The following RPS6KC1 variants were observed in gnomAD, a reference collection of about 807,000 sequenced individuals.
RPS6KC1 encodes inactive ribosomal protein S6 kinase delta-1.
RPS6KC1 carries 54 observed loss-of-function variants against 103.8 expected under a neutral mutation model. The ratio of observed to expected loss-of-function variants is 0.52; its 90% confidence interval spans 0.42 to 0.65. The LOEUF (loss-of-function observed/expected upper bound fraction) is 0.65. RPS6KC1 is among the 30% of genes least tolerant of loss of function. RPS6KC1 has a pLI of 0.00. For synonymous variants in RPS6KC1, 439 were observed against 438.7 expected (o/e 1.00, Z -0.01); for missense variants, 1,151 against 1,253.8 (o/e 0.92, Z 1.24).
chr1:213,578,839 G>A, the RPS6KC1 span, among the ~76,000 whole-genome samples: 2 of 152,080 alleles, frequency 1.3e-5, no homozygotes, highest in Non-Finnish European at 2.9e-5. Context: ...GGACTTTTGA[G>A]TTAATGCTGA....
chr1:213,537,157 C>G, the RPS6KC1 span, among the ~76,000 whole-genome samples: 3 of 152,278 alleles, frequency 2.0e-5, no homozygotes, highest in South Asian at 6.2e-4. Context: ...CTCAGGGCCT[C>G]CATTCTCTGT....
downstream of RPS6KC1, among the ~76,000 whole-genome samples, chr1:213,278,924 G>A (rs1628854): frequency 0.84 from 127,335 of 151,794 alleles, 55,191 homozygotes; most frequent in Non-Finnish European, 0.95. Context: ...GAGAAGGAAA[G>A]TTCTCGGGGG....
chr1:213,738,248 C>G, the RPS6KC1 span, among the ~76,000 whole-genome samples: 1 of 152,154 alleles, frequency 6.6e-6, no homozygotes, highest in Non-Finnish European at 1.5e-5. Flanking sequence ...TGTTAAAACT[C>G]TAGGTGCCAG....
At chr1:213,669,670 G>A in the RPS6KC1 span, among the ~76,000 whole-genome samples, 2 of 152,140 alleles carry the variant, frequency 1.3e-5, no homozygotes, top group African/African-American at 2.4e-5. Context: ...ACGCAATAAA[G>A]CAGAGAGCAA....
intron 8 of RPS6KC1, among the ~76,000 whole-genome samples, chr1:213,219,141 A>G (rs1010689178): frequency 5.3e-5 from 8 of 152,370 alleles, no homozygotes; most frequent in African/African-American, 1.7e-4. Context: ...TCCAGAATCT[A>G]CAATGAACTC....
chr1:213,304,877 A>G, the RPS6KC1 span, among the ~76,000 whole-genome samples: 1 of 152,168 alleles, frequency 6.6e-6, no homozygotes, highest in Non-Finnish European at 1.5e-5. Flanking sequence ...CATTATGACA[A>G]ACATTTCCAT....
At chr1:213,775,967 A>C in the RPS6KC1 span, among the ~76,000 whole-genome samples, 3,778 of 152,252 alleles carry the variant, frequency 0.025, 170 homozygotes, top group African/African-American at 0.085. Context: ...TTCTTTGCTC[A>C]CCCATAAGAA....
At chr1:213,228,444 G>A (rs934420868) in intron 8 of RPS6KC1, among the ~76,000 whole-genome samples, 4 of 152,100 alleles carry the variant, frequency 2.6e-5, no homozygotes, top group Non-Finnish European at 4.4e-5. Flanking sequence ...CACTGAGCCA[G>A]ACCTGGTGAC....
chr1:213,218,236 G>A (rs7534990), intron 8 of RPS6KC1, among the ~76,000 whole-genome samples: 110,186 of 150,888 alleles, frequency 0.73, 40,936 homozygotes, highest in African/African-American at 0.87. Context: ...AATAACAGAC[G>A]GAGAGCCAAA....
chr1:213,556,770 G>A, the RPS6KC1 span, among the ~76,000 whole-genome samples: 1 of 152,204 alleles, frequency 6.6e-6, no homozygotes, highest in Non-Finnish European at 1.5e-5. Context: ...GGTAGAGAAT[G>A]TGCTGAGGGA....
the RPS6KC1 span, among the ~76,000 whole-genome samples, chr1:213,425,888 G>C: frequency 6.6e-6 from 1 of 152,154 alleles, no homozygotes; most frequent in Non-Finnish European, 1.5e-5. Flanking sequence ...GGTGACCAGC[G>C]GGAAGGTGGG....
chr1:213,734,218 C>T, the RPS6KC1 span, among the ~76,000 whole-genome samples: 2 of 152,196 alleles, frequency 1.3e-5, no homozygotes, highest in Admixed American at 6.5e-5. Flanking sequence ...GGCTGTATGG[C>T]TCTGGGTCTA....
chr1:213,132,882 A>G (rs1387376054), intron 6 of RPS6KC1, among the ~76,000 whole-genome samples: 1 of 152,196 alleles, frequency 6.6e-6, no homozygotes, highest in Non-Finnish European at 1.5e-5. Flanking sequence ...TTTTGTTACT[A>G]AACTATTCAT....
chr1:213,249,571 A>G (rs2094509103), intron 12 of RPS6KC1, among the ~76,000 whole-genome samples: 1 of 152,100 alleles, frequency 6.6e-6, no homozygotes, highest in South Asian at 2.1e-4. Flanking sequence ...CATTCTCACA[A>G]TTTTCAGTTA....
At chr1:213,654,244 A>T in the RPS6KC1 span, among the ~76,000 whole-genome samples, 4 of 152,214 alleles carry the variant, frequency 2.6e-5, no homozygotes, top group Non-Finnish European at 5.9e-5. Flanking sequence ...TGAGAAAGTT[A>T]AACCCACTTT....
At chr1:213,772,483 G>T in the RPS6KC1 span, among the ~76,000 whole-genome samples, 1 of 152,196 alleles carries the variant, frequency 6.6e-6, no homozygotes, top group African/African-American at 2.4e-5. Context: ...AAATATAATT[G>T]TGTATACTTC....
At chr1:213,345,343 G>A in the RPS6KC1 span, among the ~76,000 whole-genome samples, 1 of 152,266 alleles carries the variant, frequency 6.6e-6, no homozygotes, top group South Asian at 2.1e-4. Flanking sequence ...ATATTTCAAA[G>A]TTCCTTTCTG....
At chr1:213,189,602 C>G (rs182594510) in intron 8 of RPS6KC1, among the ~76,000 whole-genome samples, 1 of 151,968 alleles carries the variant, frequency 6.6e-6, no homozygotes, top group African/African-American at 2.4e-5. Flanking sequence ...ATAATCATAT[C>G]AAGGGAGATG....
At position 213,262,840 on chromosome 1, in the gene RPS6KC1, A is replaced by G. The variant is rs761929572; in HGVS notation, c.3090+24A>G. The G allele has an allele frequency of 6.5e-6, 9 of 1,375,106 alleles. No individual in the cohort carries two copies. The African/African-American group carries it at 8.5e-5, about 13-fold the overall frequency. The allele number at this position is 1,375,106 out of a possible 1,614,324, so 85.2% of individuals were successfully genotyped here. ...AGGTAATTTAACTGACCTATTGGCC[A>G]GGTTTATCAACCATGCAGATTAGCA... On this transcript the variant is annotated intron_variant, in intron 14 of 14. Transcript: ENST00000366960.
Sources: gnomAD v4.1 joint callset for allele counts (sites outside exome capture counted in the v4.1 genomes callset) on GRCh38, gnomAD v4.1.1 for gene constraint, MANE v1.5 for transcripts, NCBI Gene and HGNC (gene_info 2026-07-23, HGNC 2026-07-21) for gene names.